NCOA5: variants seen among roughly 807,000 people sequenced by gnomAD.
The protein encoded by NCOA5 is NCoA-5.
NCOA5 carries 12 observed loss-of-function variants against 59.0 expected under a neutral mutation model. That is an observed-to-expected ratio of 0.20 (90% CI 0.13 to 0.33). NCOA5 has a LOEUF of 0.33. NCOA5 is among the 10% of genes least tolerant of loss of function. The probability of loss-of-function intolerance (pLI) is 1.00; values close to 1 mark genes in which losing one functional copy is unlikely to be tolerated. For missense variants in NCOA5, 655 were observed against 766.6 expected, an observed-to-expected ratio of 0.85 and a Z score of 1.72; for synonymous variants, 270 against 275.5, an observed-to-expected ratio of 0.98 and a Z score of 0.20.
At chr20:46,076,775 C>G (rs369719197) in intron 2 of NCOA5, among the ~76,000 whole-genome samples, 1 of 152,096 alleles carries the variant, frequency 6.6e-6, no homozygotes, top group Non-Finnish European at 1.5e-5. Context: ...CCTAGCTGTC[C>G]CTCCTGTTGA....
At chr20:46,064,143 T>C (rs749613998) in intron 6 of NCOA5, among the ~76,000 whole-genome samples, 1 of 152,136 alleles carries the variant, frequency 6.6e-6, no homozygotes, top group Non-Finnish European at 1.5e-5. Context: ...TAGATTAAGA[T>C]CAAACTGTGA....
intron 3 of NCOA5, 66 bp downstream of exon 3, chr20:46,070,144 A>T: frequency 7.7e-7 from 1 of 1,298,320 alleles, no homozygotes; most frequent in Non-Finnish European, 1.1e-6. Context: ...AGAGCTTTCA[A>T]TTAGTTTAGC....
chr20:46,065,226 T>C lies in NCOA5; in HGVS notation c.632A>G (p.Asp211Gly). 3.1e-6 allele frequency: 5 copies of C among 1,614,130 alleles called. No individual in the cohort carries two copies. Among genetic ancestry groups the C allele is most frequent in the Non-Finnish European group, 4.2e-6 (5 of 1,180,004 alleles). Residue 211 changes from aspartate to glycine, a missense_variant and splice_region_variant, in exon 6 of 8, where the codon GAC becomes GGC. Transcript: ENST00000290231. ...SVIVVNKQTK[D>G]YAESVGRKVR... ...CTTCCGCCCCACAGACTCAGCATAG[T>C]CTCTGTAAAAATAAATAAGATCCAG... is the stretch of plus-strand genomic sequence containing the variant.
At chr20:46,076,752 G>C (rs1048605182) in intron 2 of NCOA5, among the ~76,000 whole-genome samples, 2 of 152,042 alleles carry the variant, frequency 1.3e-5, no homozygotes, top group Non-Finnish European at 2.9e-5. Context: ...ATTGTTAATG[G>C]AATTTGAATT....
chr20:46,065,692 G>GT lies in NCOA5; in HGVS notation c.630-465dup, dbSNP rs2084815893. Among the ~76,000 whole-genome samples, 3 of 152,176 alleles carry GT rather than the reference G, an allele frequency of 2.0e-5. No homozygotes were observed. In the South Asian group the frequency reaches 6.2e-4, roughly 32 times the overall value. ...CAGTTTCTTTACTAATAAAACAGGAGTAACATGGCTCAGTTCATACGTCAT... is the reference window on the plus strand; with the variant it reads ...CAGTTTCTTTACTAATAAAACAGGAGTTAACATGGCTCAGTTCATACGTCAT... On this transcript the variant is annotated intron_variant, in intron 5 of 7. Transcript: ENST00000290231.
chr20:46,070,362 A>G lies in NCOA5; in HGVS notation c.213T>C (p.Asp71=), dbSNP rs767965348. The change falls in exon 3 of 8, where the codon GAT becomes GAC. Residue 71 remains aspartate, a synonymous_variant. Coordinates refer to ENST00000290231, the MANE Select transcript of NCOA5 (RefSeq NM_020967.3). ...CGCGCACACTCCTGCTGTCTCTGTG[A>G]TCCCGCAAATCTCTACTATGTCTGT... ...RDHRHSRDLR[D]HRDSRSVRDV... 6.2e-7 allele frequency: 1 copy of G among 1,612,912 alleles called. No homozygotes were observed. Among genetic ancestry groups the G allele is most frequent in the Admixed American group, 1.7e-5 (1 of 59,850 alleles).
intron 4 of NCOA5, among the ~76,000 whole-genome samples, chr20:46,067,874 T>TG (rs982317707): frequency 1.3e-5 from 2 of 152,040 alleles, no homozygotes; most frequent in African/African-American, 4.8e-5. Context: ...CATAGTTACT[T>TG]GGTCAGTAGG....
intron 1 of NCOA5, among the ~76,000 whole-genome samples, chr20:46,086,594 T>C (rs6104454): frequency 0.055 from 8,391 of 152,286 alleles, 785 homozygotes; most frequent in African/African-American, 0.19. Flanking sequence ...CTGTTAGTCA[T>C]TGCTCTTTTA....
intron 5 of NCOA5, among the ~76,000 whole-genome samples, chr20:46,065,501 T>C (rs1045572204): frequency 6.6e-6 from 1 of 152,214 alleles, no homozygotes; most frequent in African/African-American, 2.4e-5. Flanking sequence ...CTTAAGACCA[T>C]CCTGCTCCCT....
intron 6 of NCOA5, among the ~76,000 whole-genome samples, chr20:46,063,983 C>T (rs1262810495): frequency 6.6e-6 from 1 of 152,182 alleles, no homozygotes; most frequent in Non-Finnish European, 1.5e-5. Context: ...TTCAAACAGA[C>T]CACGTGGGGA....
chr20:46,078,388 G>A (rs1184483832), intron 2 of NCOA5, among the ~76,000 whole-genome samples: 2 of 152,342 alleles, frequency 1.3e-5, no homozygotes, highest in Middle Eastern at 3.4e-3. Flanking sequence ...GGGTTCACAA[G>A]GTGACCAGTG....
chr20:46,077,692 G>A (rs538438598), intron 2 of NCOA5, among the ~76,000 whole-genome samples: 9 of 152,174 alleles, frequency 5.9e-5, no homozygotes, highest in Non-Finnish European at 1.3e-4. Context: ...ACACACGTTA[G>A]CGCTCTTTGG....
At chr20:46,073,528 G>T (rs16991058) in intron 2 of NCOA5, among the ~76,000 whole-genome samples, 28,538 of 152,198 alleles carry the variant, frequency 0.19, 2,853 homozygotes, top group South Asian at 0.29. Context: ...AAGATCCAAA[G>T]AGAAAGGACA....
chr20:46,068,978 T>TA (rs1427837532), intron 3 of NCOA5, among the ~76,000 whole-genome samples: 5 of 150,996 alleles, frequency 3.3e-5, no homozygotes, highest in East Asian at 1.9e-4. Flanking sequence ...TTATTATTAT[T>TA]TTTTTTTTAG....
chr20:46,062,892 G>A lies in NCOA5; in HGVS notation c.1151-3C>T, dbSNP rs1332229870. Reference sequence around the variant, plus strand: ...GAGTGGTTGGCGGGAAATCGGGCCTGGAAGACAGAAGAGGGAGGTATCTGG... The same window carrying A: ...GAGTGGTTGGCGGGAAATCGGGCCTAGAAGACAGAAGAGGGAGGTATCTGG... On this transcript the variant is annotated splice_region_variant and splice_polypyrimidine_tract_variant and intron_variant, in intron 7 of 7. Coordinates refer to ENST00000290231, the MANE Select transcript of NCOA5 (RefSeq NM_020967.3). 5.3e-6 allele frequency: 8 copies of A among 1,513,126 alleles called. No individual in the cohort carries two copies. Among genetic ancestry groups the A allele is most frequent in the African/African-American group, 1.4e-5 (1 of 71,624 alleles). The allele number at this position is 1,513,126 out of a possible 1,614,324, so 93.7% of individuals were successfully genotyped here.
At chr20:46,085,515 G>C (rs892801304) in intron 1 of NCOA5, among the ~76,000 whole-genome samples, 3 of 152,096 alleles carry the variant, frequency 2.0e-5, no homozygotes, top group Admixed American at 6.5e-5. Flanking sequence ...TGAATGGGAT[G>C]GGAGGAGGCA....
At chr20:46,085,678 A>G (rs2085038071) in intron 1 of NCOA5, among the ~76,000 whole-genome samples, 1 of 152,206 alleles carries the variant, frequency 6.6e-6, no homozygotes, top group Admixed American at 6.5e-5. Context: ...GGTGTTGGGA[A>G]CACGGGGATA....
At chr20:46,089,083 G>A (rs151073109) in intron 1 of NCOA5, among the ~76,000 whole-genome samples, 3 of 152,356 alleles carry the variant, frequency 2.0e-5, no homozygotes, top group Middle Eastern at 3.4e-3. Flanking sequence ...TGCAACGCGA[G>A]ACTGAAACGT....
intron 1 of NCOA5, among the ~76,000 whole-genome samples, chr20:46,086,181 A>G (rs1389968454): frequency 6.6e-6 from 1 of 152,168 alleles, no homozygotes; most frequent in Non-Finnish European, 1.5e-5. Context: ...CCCAGCCTTA[A>G]GATACTTTAC....
Sources: allele counts gnomAD v4.1 joint callset (sites outside exome capture counted in the v4.1 genomes callset), GRCh38; gene constraint gnomAD v4.1.1; transcripts MANE v1.5; gene names NCBI Gene and HGNC (gene_info 2026-07-23, HGNC 2026-07-21).